The following AADAT variants were observed in gnomAD, a reference collection of about 807,000 sequenced individuals.
AADAT encodes kynurenine/alpha-aminoadipate aminotransferase, mitochondrial.
Under a neutral mutation model 56.2 loss-of-function variants are expected in AADAT, and 25 were observed. The ratio of observed to expected loss-of-function variants is 0.44; its 90% CI spans 0.32 to 0.62. AADAT has a LOEUF of 0.62. AADAT is among the 20% of genes least tolerant of loss of function. The pLI, the probability that AADAT is intolerant of heterozygous loss-of-function variation, is 0.04. For synonymous variants in AADAT, 173 were observed against 164.7 expected, an observed-to-expected ratio of 1.05 and a Z score of -0.39; for missense variants, 387 against 510.5, an observed-to-expected ratio of 0.76 and a Z score of 2.33.
chr4:170,079,709 A>G (rs1732198398), intron 3 of AADAT, among the ~76,000 whole-genome samples: 1 of 152,172 alleles, frequency 6.6e-6, no homozygotes, highest in South Asian at 2.1e-4. Context: ...ATGGAACTAG[A>G]TAGATGGTGG....
rs369611633 is a variant in AADAT at position 170,069,102 on chromosome 4, C to G, written c.803+46G>C. The G allele has an allele frequency of 4.3e-5, 65 of 1,524,868 alleles. No individual in the cohort carries two copies. The African/African-American group carries it at 6.5e-4, about 15-fold the overall frequency. The allele number at this position is 1,524,868 out of a possible 1,614,324, so 94.5% of individuals were successfully genotyped here. ...ACTAAAAGATACTGAGGTACTATCTCTGGCTCTATTAGATCTAGCGTCAAG... is the reference window on the plus strand; with the variant it reads ...ACTAAAAGATACTGAGGTACTATCTGTGGCTCTATTAGATCTAGCGTCAAG... On this transcript the variant is annotated intron_variant, in intron 7 of 12. Transcript: ENST00000337664.
intron 4 of AADAT, 75 bp downstream of exon 4, chr4:170,078,431 GTTA>G (rs1163770776): frequency 5.2e-6 from 4 of 776,526 alleles, no homozygotes; most frequent in Middle Eastern, 7.6e-4. Context: ...TTATAATAAA[GTTA>G]TTATAAAACC....
chr4:170,067,399 T>C lies in AADAT; in HGVS notation c.901-11A>G, dbSNP rs574180093. 2.5e-6 allele frequency: 4 copies of C among 1,609,180 alleles called. No homozygotes were observed. Among genetic ancestry groups the C allele is most frequent in the Non-Finnish European group, 2.5e-6 (3 of 1,177,056 alleles). On this transcript the variant is annotated splice_polypyrimidine_tract_variant and intron_variant, in intron 8 of 12. Coordinates refer to ENST00000337664, the MANE Select transcript of AADAT (RefSeq NM_016228.4). ...CTGTGATATCATGAGCTAAAAGAGA[T>C]AAAATCATAAATACCATGTTTCATC...
intron 7 of AADAT, 108 bp from the exon 8 acceptor site, chr4:170,068,795 C>A: frequency 2.9e-6 from 2 of 690,340 alleles, no homozygotes; most frequent in Non-Finnish European, 4.8e-6. Context: ...ACAAAAGGAT[C>A]TAGATAATTA....
At chr4:170,094,199 T>A (rs919534512), upstream of AADAT, among the ~76,000 whole-genome samples, 1 of 152,162 alleles carries the variant, frequency 6.6e-6, no homozygotes, top group Non-Finnish European at 1.5e-5. Flanking sequence ...TGGGGGGTCA[T>A]GATCAGCAAA....
Position 170,089,801 on chromosome 4 carries a change from C to G in AADAT, c.-111G>C. ...ACTCCTCACTCTGGCAACGCCACCG[C>G]GAGATGTGTCCCCCCGCTGCGTCTG... On this transcript the variant is annotated 5_prime_UTR_variant, in exon 1 of 13. Coordinates refer to ENST00000337664, the MANE Select transcript of AADAT (RefSeq NM_016228.4). 9.3e-7 allele frequency: 1 copy of G among 1,079,728 alleles called. No homozygotes were observed. Among genetic ancestry groups the G allele is most frequent in the East Asian group, 2.4e-5 (1 of 42,010 alleles). The allele number at this position is 1,079,728 out of a possible 1,614,324, so 66.9% of individuals were successfully genotyped here.
intron 8 of AADAT, 124 bp downstream of exon 8, chr4:170,068,467 C>T (rs1158480233): frequency 3.2e-6 from 2 of 634,408 alleles, no homozygotes; most frequent in African/African-American, 3.9e-5. Context: ...ATTAGCATGT[C>T]TGCAAAGAAG....
rs1732266903 is a variant in AADAT, at chr4:170,080,915, C to T, written c.370-2332G>A. ...GATGTATACATACAAGAAACAATAG[C>T]CAACAGGAAACCATGACCTCCCCAA... On this transcript the variant is annotated intron_variant, in intron 3 of 12. Coordinates refer to ENST00000337664, the MANE Select transcript of AADAT (RefSeq NM_016228.4). 5.9e-5 allele frequency among the ~76,000 whole-genome samples: 9 copies of T among 152,084 alleles called. No homozygotes were observed. In the South Asian group the frequency reaches 1.9e-3, roughly 32 times the overall value.
chr4:170,074,421 C>A (rs1016086242), intron 4 of AADAT, among the ~76,000 whole-genome samples: 7 of 151,916 alleles, frequency 4.6e-5, no homozygotes, highest in Non-Finnish European at 1.0e-4. Flanking sequence ...CTGATGAGTA[C>A]CCATGAATTA....
upstream of AADAT, among the ~76,000 whole-genome samples, chr4:170,093,481 G>T (rs913683288): frequency 6.6e-6 from 1 of 152,152 alleles, no homozygotes; most frequent in East Asian, 1.9e-4. Flanking sequence ...GTAGGAACCT[G>T]TTCGGTCAAA....
chr4:170,062,063 A>C, intron 11 of AADAT, 70 bp from the exon 12 acceptor site: 1 of 1,002,076 alleles, frequency 1.0e-6, no homozygotes. Flanking sequence ...AGTTAAGCCT[A>C]ATCTCAGAGT....
At chr4:170,077,721 G>T (rs1430313439) in intron 4 of AADAT, among the ~76,000 whole-genome samples, 2 of 152,186 alleles carry the variant, frequency 1.3e-5, no homozygotes, top group African/African-American at 4.8e-5. Flanking sequence ...TTCTTATACA[G>T]AGCTGAAATT....
At chr4:170,081,490 A>G (rs1317851938) in intron 3 of AADAT, among the ~76,000 whole-genome samples, 2 of 152,156 alleles carry the variant, frequency 1.3e-5, no homozygotes, top group Non-Finnish European at 2.9e-5. Context: ...TCCAAATAAA[A>G]CTACCTCAAG....
chr4:170,088,820 T>C (rs762042447), intron 1 of AADAT, among the ~76,000 whole-genome samples: 3 of 151,982 alleles, frequency 2.0e-5, no homozygotes, highest in Non-Finnish European at 2.9e-5. Flanking sequence ...GGTGCACTTA[T>C]AAAAGAGGGC....
chr4:170,086,929 C>T (rs138369965), intron 3 of AADAT, among the ~76,000 whole-genome samples, 187 bp downstream of exon 3: 237 of 152,260 alleles, frequency 1.6e-3, no homozygotes, highest in African/African-American at 5.3e-3. Context: ...TGCCCATCCC[C>T]GGCCACAACT....
Position 170,078,542 on chromosome 4 carries a change from TAGG to T in AADAT, c.408_410del (p.Leu137del). 1 of 1,609,076 alleles carries T rather than the reference TAGG, an allele frequency of 6.2e-7. No homozygotes were observed. The highest frequency in any genetic ancestry group is 8.5e-7 in the Non-Finnish European group (1 of 1,177,374). On this transcript the variant is annotated inframe_deletion, in exon 4 of 13. Coordinates refer to ENST00000337664, the MANE Select transcript of AADAT (RefSeq NM_016228.4). ...GAGTTCCTGAATAAGCAGGTTCATC[TAGG>T]AGGACATTATCTCCAGGATTAATGA...
intron 3 of AADAT, 43 bp downstream of exon 3, chr4:170,087,073 C>T (rs971460560): frequency 1.1e-5 from 17 of 1,610,740 alleles, no homozygotes; most frequent in African/African-American, 6.7e-5. Context: ...GAAATGAATG[C>T]TTCCAATTCT....
At chr4:170,062,068 C>CAA in intron 11 of AADAT, 75 bp from the exon 12 acceptor site, 1 of 931,560 alleles carries the variant, frequency 1.1e-6, no homozygotes, top group Non-Finnish European at 1.6e-6. Context: ...AGCCTAATCT[C>CAA]AGAGTAGGGA....
rs1367344449 is a variant in AADAT at position 170,081,422 on chromosome 4, TGA to T, written c.370-2841_370-2840del. On this transcript the variant is annotated intron_variant, in intron 3 of 12. Coordinates refer to ENST00000337664, the MANE Select transcript of AADAT (RefSeq NM_016228.4). ...ATAATAACAGAAAAGTTTCTAAACG[TGA>T]GAGAGATAAATATCCAGGCCACAGA... Among the ~76,000 whole-genome samples, 8 of 152,178 alleles carry T rather than the reference TGA, an allele frequency of 5.3e-5. No individual in the cohort carries two copies. The East Asian group carries it at 1.4e-3, about 26-fold the overall frequency.
Sources: allele counts gnomAD v4.1 joint callset (sites outside exome capture counted in the v4.1 genomes callset), GRCh38; gene constraint gnomAD v4.1.1; transcripts MANE v1.5; gene names NCBI Gene and HGNC (gene_info 2026-07-23, HGNC 2026-07-21).